LMTK2: variants seen among roughly 807,000 people sequenced by gnomAD.
LMTK2 encodes the protein serine/threonine-protein kinase LMTK2.
LMTK2 carries 37 observed loss-of-function variants against 127.5 expected under a neutral mutation model. The observed-to-expected ratio is 0.29, with a 90% CI of 0.22 to 0.38. The LOEUF (loss-of-function observed/expected upper bound fraction) is 0.38, where lower values mean the gene tolerates loss of function less well. Ranked by LOEUF, LMTK2 falls within the 10% of genes least tolerant of loss-of-function variation. The pLI, the probability that LMTK2 is intolerant of heterozygous loss-of-function variation, is 1.00. For synonymous variants in LMTK2, 819 were observed against 810.1 expected, an observed-to-expected ratio of 1.01 and a Z score of -0.19; for missense variants, 1,694 against 1,920.3, an observed-to-expected ratio of 0.88 and a Z score of 2.20.
At chr7:98,168,980 G>A (rs1176578215) in intron 6 of LMTK2, among the ~76,000 whole-genome samples, 2 of 152,160 alleles carry the variant, frequency 1.3e-5, no homozygotes, top group Non-Finnish European at 2.9e-5. Flanking sequence ...CACCATTAAA[G>A]TACAAATAAA....
chr7:98,163,347 C>G (rs2116407180), intron 6 of LMTK2, among the ~76,000 whole-genome samples: 1 of 152,188 alleles, frequency 6.6e-6, no homozygotes, highest in Non-Finnish European at 1.5e-5. Flanking sequence ...ATTTAAGGTG[C>G]CATGTCAGGT....
chr7:98,156,882 T>A (rs1796933098), intron 5 of LMTK2, among the ~76,000 whole-genome samples: 1 of 152,180 alleles, frequency 6.6e-6, no homozygotes, highest in African/African-American at 2.4e-5. Flanking sequence ...GTCTTTGTTC[T>A]GTTAGGATCT....
In LMTK2 at chr7:98,193,594, C is replaced by T. The variant is rs1797571581; in HGVS notation, c.3129C>T (p.Thr1043=). 1 of 1,614,100 alleles carries T rather than the reference C, an allele frequency of 6.2e-7. No individual in the cohort carries two copies. The highest frequency in any genetic ancestry group is 1.1e-5 in the South Asian group (1 of 91,080). Residue 1043 remains threonine, a synonymous_variant, in exon 11 of 14, where the codon ACC becomes ACT. Coordinates refer to ENST00000297293, the MANE Select transcript of LMTK2 (RefSeq NM_014916.4). This position sits in a 1 kb window ranked among gnomAD's most constrained non-coding sequence, Gnocchi z 4.1. The stretch of plus-strand genomic sequence containing the variant: ...AGAACTTGGAGTCTCCCGAGTGGAC[C>T]TTGCATCCCGCTCCCGAGGGCACCG... ...ETENLESPEW[T]LHPAPEGTAD...
chr7:98,180,099 GAAGT>G (rs150556404), intron 7 of LMTK2, among the ~76,000 whole-genome samples: 8,028 of 152,258 alleles, frequency 0.053, 714 homozygotes, highest in African/African-American at 0.18. Context: ...TGCCTCTTGT[GAAGT>G]AAGTATTTTT....
At position 98,204,014 on chromosome 7, in the gene LMTK2, C is replaced by G. The variant is rs958146615; in HGVS notation, c.4311C>G (p.Leu1437=). The G allele has an allele frequency of 1.9e-6, 3 of 1,614,224 alleles. No homozygotes were observed. Among genetic ancestry groups the G allele is most frequent in the Admixed American group, 1.7e-5 (1 of 60,028 alleles). The part of the protein sequence containing the change: ...PFMSKTTSNL[L]SSKPSLQTSK... Reference sequence around the variant, plus strand: ...TGTCAAAGACAACAAGTAACCTGCTCAGCTCCAAGCCTTCTCTCCAAACAT... The same window carrying G: ...TGTCAAAGACAACAAGTAACCTGCTGAGCTCCAAGCCTTCTCTCCAAACAT... The change falls in exon 13 of 14, where the codon CTC becomes CTG. Residue 1437 remains leucine (L), a synonymous_variant. Transcript: ENST00000297293.
rs149430593 is a variant in LMTK2 at position 98,164,885 on chromosome 7, C to T, written c.657+5460C>T. On this transcript the variant is annotated intron_variant, in intron 6 of 13. Transcript: ENST00000297293. ...TTTCTTCAGCTCCATCACCTGGCCC[C>T]GGAGCAGATGATACTGTGTTCTTGA... Among the ~76,000 whole-genome samples the T allele has an allele frequency of 3.3e-5, 5 of 152,246 alleles. No homozygotes were observed. The East Asian group carries it at 5.8e-4, about 18-fold the overall frequency.
chr7:98,141,782 A>T (rs1459335568), intron 3 of LMTK2, among the ~76,000 whole-genome samples: 3 of 152,162 alleles, frequency 2.0e-5, no homozygotes, highest in Non-Finnish European at 2.9e-5. Flanking sequence ...TGATTCATTG[A>T]CATTGAACAC....
At chr7:98,145,595 C>A (rs946823734) in intron 3 of LMTK2, among the ~76,000 whole-genome samples, 1 of 152,114 alleles carries the variant, frequency 6.6e-6, no homozygotes, top group South Asian at 2.1e-4. Flanking sequence ...TTCATTCATG[C>A]ACTGATCTTT....
At chr7:98,130,597 G>C (rs1584251996) in intron 1 of LMTK2, among the ~76,000 whole-genome samples, 1 of 152,316 alleles carries the variant, frequency 6.6e-6, no homozygotes, top group African/African-American at 2.4e-5. Flanking sequence ...AAGTGAAAAT[G>C]CGGTCATGAG....
intron 12 of LMTK2, 58 bp from the exon 13 acceptor site, chr7:98,203,886 C>G: frequency 1.2e-6 from 2 of 1,600,216 alleles, no homozygotes; most frequent in Non-Finnish European, 1.7e-6. Flanking sequence ...CCCAGAGGCT[C>G]CCCCTCTCCC....
chr7:98,203,428 G>T lies in LMTK2; in HGVS notation c.4108-146G>T, dbSNP rs986853510. On this transcript the variant is annotated intron_variant, in intron 11 of 13. Coordinates refer to ENST00000297293, the MANE Select transcript of LMTK2 (RefSeq NM_014916.4). ...GAGAGACAGGGCCTAGTGTCTGTCC[G>T]TCCTCCCAGGCCTGGAGCCGCCCTT... The T allele has an allele frequency of 1.3e-5, 13 of 1,027,196 alleles. No individual in the cohort carries two copies. In the African/African-American group the frequency reaches 1.8e-4, roughly 14 times the overall value. The allele number at this position is 1,027,196 out of a possible 1,614,324, so 63.6% of individuals were successfully genotyped here.
At chr7:98,200,467 G>A (rs952168476) in intron 11 of LMTK2, among the ~76,000 whole-genome samples, 2 of 152,172 alleles carry the variant, frequency 1.3e-5, no homozygotes, top group African/African-American at 2.4e-5. Flanking sequence ...CAGTATTCTC[G>A]GGATGTAGAA....
intron 1 of LMTK2, among the ~76,000 whole-genome samples, chr7:98,113,798 A>G (rs866997499): frequency 6.6e-6 from 1 of 152,226 alleles, no homozygotes; most frequent in Non-Finnish European, 1.5e-5. Flanking sequence ...TAAAATTAGC[A>G]TGTCTGCAGA....
In LMTK2 at chr7:98,193,205, G is replaced by A. The variant is rs200420393; in HGVS notation, c.2740G>A (p.Val914Ile). 8 of 1,613,774 alleles carry A rather than the reference G, an allele frequency of 5.0e-6. No individual in the cohort carries two copies. In the Admixed American group the frequency reaches 5.0e-5, roughly 10 times the overall value. ...ADDILASRVSVGSSLPELGQE... is the reference protein window; with the variant it reads ...ADDILASRVSIGSSLPELGQE... ...TGACATCCTTGCCAGCAGGGTGAGT[G>A]TAGGGAGTAGTCTCCCGGAACTGGG... The change falls in exon 11 of 14, where the codon GTA becomes ATA. Residue 914 changes from valine to isoleucine, a missense_variant. By Grantham distance (29) the Val-to-Ile change is conservative (BLOSUM62 3). Around this residue, in one of 8 missense-constraint regions of LMTK2, gnomAD observed 527 missense variants for 539.8 expected, o/e 0.98. Transcript: ENST00000297293. The surrounding 1 kb of genome is among the most constrained non-coding windows in gnomAD (Gnocchi z 4.1).
At chr7:98,147,936 G>A (rs530551806) in intron 3 of LMTK2, among the ~76,000 whole-genome samples, 47 of 152,152 alleles carry the variant, frequency 3.1e-4, no homozygotes, top group African/African-American at 9.4e-4. Context: ...TTTCTAGGCC[G>A]GGCGTGGTGG....
chr7:98,181,618 G>A (rs182758469), intron 7 of LMTK2, among the ~76,000 whole-genome samples: 1 of 152,188 alleles, frequency 6.6e-6, no homozygotes, highest in African/African-American at 2.4e-5. Flanking sequence ...AGAAGAGAGA[G>A]CCCAGAAATA....
intron 1 of LMTK2, among the ~76,000 whole-genome samples, chr7:98,121,759 G>A (rs893930068): frequency 1.3e-5 from 2 of 152,170 alleles, no homozygotes; most frequent in Non-Finnish European, 2.9e-5. Flanking sequence ...CCAGCACTTT[G>A]GGAGGCTGAG....
At chr7:98,163,140 G>T (rs1270301640) in intron 6 of LMTK2, among the ~76,000 whole-genome samples, 1 of 152,172 alleles carries the variant, frequency 6.6e-6, no homozygotes, top group Non-Finnish European at 1.5e-5. Flanking sequence ...CTGGGAAATG[G>T]GGAGTTGTTT....
Position 98,148,492 on chromosome 7 carries a change from CA to C in LMTK2, c.377-2875del, listed in dbSNP as rs1202150647. Among the ~76,000 whole-genome samples, 1,007 of 135,346 alleles carry C rather than the reference CA, an allele frequency of 7.4e-3. 5 individuals carry two copies. The highest frequency in any genetic ancestry group is 0.02 in the East Asian group (91 of 4,576). The allele number at this position is 135,346 out of a possible 152,430, so 88.8% of individuals were successfully genotyped here. ...TGGGTGACAGAGCGAGACTCCGTCT[CA>C]AAAAAAAAAAAAAATAATAATAATA... On this transcript the variant is annotated intron_variant, in intron 3 of 13. Transcript: ENST00000297293.
Sources: allele counts gnomAD v4.1 joint callset (sites outside exome capture counted in the v4.1 genomes callset), GRCh38; gene constraint gnomAD v4.1.1; regional missense constraint gnomAD v4.1.1; non-coding constraint Gnocchi (gnomAD v3.1); transcripts MANE v1.5; gene names NCBI Gene and HGNC (gene_info 2026-07-23, HGNC 2026-07-21).